Variants in SP4 observed in about 807,000 individuals in gnomAD.
SP4 encodes transcription factor Sp4.
A neutral mutation model predicts 72.8 loss-of-function variants in SP4; 19 were observed. That is an observed-to-expected ratio of 0.26 (90% confidence interval 0.18 to 0.38). The LOEUF (loss-of-function observed/expected upper bound fraction) is 0.38, where lower values mean the gene tolerates loss of function less well. SP4 is among the 10% of genes least tolerant of loss of function. The pLI, the probability that SP4 is intolerant of heterozygous loss-of-function variation, is 1.00. For missense variants in SP4, 1,008 were observed against 926.3 expected (o/e 1.09, Z -1.14); for synonymous variants, 395 against 333.1 (o/e 1.19, Z -2.02).
chr7:21,455,270 C>G (rs912859896), intron 3 of SP4, among the ~76,000 whole-genome samples: 1 of 152,290 alleles, frequency 6.6e-6, no homozygotes, highest in East Asian at 1.9e-4. Flanking sequence ...ACACCACTTG[C>G]AATTAACTGA....
rs1035233438 is a variant in SP4, at chr7:21,511,097, C to T, written c.2183C>T (p.Thr728Met). Reference protein sequence around the residue: ...RSDHLSKHVKTHQNKKGGGTA... With the variant: ...RSDHLSKHVKMHQNKKGGGTA... ...GATCATCTCTCCAAACATGTCAAAACGCACCAGAATAAAAAAGGTGGTGGG... is the reference window on the plus strand; with the variant it reads ...GATCATCTCTCCAAACATGTCAAAATGCACCAGAATAAAAAAGGTGGTGGG... Residue 728 changes from threonine (T) to methionine (M), a missense_variant, in exon 6 of 6, where the codon ACG (threonine) becomes ATG (methionine). This residue lies in a region of SP4 where 48 missense variants were observed against 117.0 expected (regional missense o/e 0.41). Transcript: ENST00000222584. The T allele has an allele frequency of 2.5e-6, 4 of 1,614,042 alleles. No individual in the cohort carries two copies. The highest frequency in any genetic ancestry group is 3.4e-6 in the Non-Finnish European group (4 of 1,179,964).
chr7:21,481,983 A>G lies in SP4; in HGVS notation c.1967A>G (p.Lys656Arg). Residue 656 changes from lysine (K) to arginine (R), a missense_variant, in exon 5 of 6, where the codon AAA becomes AGA. By Grantham distance (26) the Lys-to-Arg change is conservative (BLOSUM62 2). This residue lies in a region of SP4 where 48 missense variants were observed against 117.0 expected (regional missense o/e 0.41). Transcript: ENST00000222584. ...QHICHIEGCG[K>R]VYGKTSHLRA... ...ATCTGTCATATTGAAGGATGTGGTA[A>G]AGTTTATGGCAAAACATCTCATTTA... 6.2e-7 allele frequency: 1 copy of G among 1,614,096 alleles called. No homozygotes were observed. The highest frequency in any genetic ancestry group is 8.5e-7 in the Non-Finnish European group (1 of 1,179,956).
rs143674706 is a variant in SP4 at position 21,441,577 on chromosome 7, A to G, written c.1678+10734A>G. On this transcript the variant is annotated intron_variant, in intron 3 of 5. Coordinates refer to ENST00000222584, the MANE Select transcript of SP4 (RefSeq NM_003112.5). The stretch of plus-strand genomic sequence containing the variant: ...GAGATATTGAGTAAAAATATTTGCA[A>G]TGCAAATGATACTTATGAGAGTGTT... Among the ~76,000 whole-genome samples the G allele has an allele frequency of 4.4e-3, 671 of 152,346 alleles. 6 individuals carry two copies. Among genetic ancestry groups the G allele is most frequent in the African/African-American group, 0.015 (644 of 41,564 alleles).
chr7:21,458,400 T>C (rs926964806), intron 3 of SP4, among the ~76,000 whole-genome samples: 1 of 152,114 alleles, frequency 6.6e-6, no homozygotes, highest in Non-Finnish European at 1.5e-5. Context: ...GCCAGGCTGG[T>C]CTTGAACTCC....
At chr7:21,497,634 C>A (rs1781752916) in intron 5 of SP4, among the ~76,000 whole-genome samples, 1 of 152,090 alleles carries the variant, frequency 6.6e-6, no homozygotes, top group Non-Finnish European at 1.5e-5. Flanking sequence ...TAGAATGATC[C>A]TTGTGTTGAT....
intron 5 of SP4, among the ~76,000 whole-genome samples, chr7:21,488,479 C>CTTTTTTTTT (rs59893862): frequency 1.5e-5 from 2 of 133,224 alleles, no homozygotes; most frequent in African/African-American, 2.8e-5. Context: ...ACTTCCTTTC[C>CTTTTTTTTT]TTTTTTTTTT....
intron 3 of SP4, 71 bp from the exon 4 acceptor site, chr7:21,477,007 AG>A (rs1171556786): frequency 2.2e-5 from 24 of 1,114,920 alleles, no homozygotes; most frequent in Admixed American, 7.9e-5. Context: ...TTATGCACAT[AG>A]ATTTTTTTTT....
chr7:21,457,561 C>T (rs1313309514), intron 3 of SP4, among the ~76,000 whole-genome samples: 2 of 152,122 alleles, frequency 1.3e-5, no homozygotes, highest in East Asian at 1.9e-4. Flanking sequence ...AGAACAATTG[C>T]ATGTTCCTTT....
In SP4 at chr7:21,466,590, G is replaced by A. The variant is rs187426207; in HGVS notation, c.1679-10489G>A. Reference sequence around the variant, plus strand: ...GTAACTCAATATTGGTTCACAGATTGTACATAACCCATAGTATGTTGATAG... The same window carrying A: ...GTAACTCAATATTGGTTCACAGATTATACATAACCCATAGTATGTTGATAG... On this transcript the variant is annotated intron_variant, in intron 3 of 5. Coordinates refer to ENST00000222584, the MANE Select transcript of SP4 (RefSeq NM_003112.5). Among the ~76,000 whole-genome samples the A allele has an allele frequency of 5.9e-5, 9 of 152,218 alleles. No individual in the cohort carries two copies. The East Asian group carries it at 1.7e-3, about 29-fold the overall frequency.
At chr7:21,470,063 C>T (rs1349403114) in intron 3 of SP4, among the ~76,000 whole-genome samples, 3 of 152,086 alleles carry the variant, frequency 2.0e-5, no homozygotes, top group African/African-American at 2.4e-5. Flanking sequence ...AGCAGATATC[C>T]ACTTGATTTG....
rs549924252 is a variant in SP4 at position 21,475,588 on chromosome 7, C to T, written c.1679-1491C>T. On this transcript the variant is annotated intron_variant, in intron 3 of 5. Transcript: ENST00000222584. The stretch of plus-strand genomic sequence containing the variant: ...TCTCCTTCCTAAGCCTCCTGAGTAG[C>T]GAGTAGCTGGGACTACAGGCGCCCG... Among the ~76,000 whole-genome samples the T allele has an allele frequency of 2.6e-5, 4 of 151,738 alleles. No homozygotes were observed. The East Asian group carries it at 5.9e-4, about 22-fold the overall frequency.
chr7:21,447,250 A>G (rs1387073461), intron 3 of SP4, among the ~76,000 whole-genome samples: 3 of 152,160 alleles, frequency 2.0e-5, no homozygotes, highest in Non-Finnish European at 4.4e-5. Context: ...CTTCTGTTCA[A>G]TATTACCTCC....
intron 3 of SP4, among the ~76,000 whole-genome samples, chr7:21,449,123 G>A (rs1783511980): frequency 6.6e-6 from 1 of 152,122 alleles, no homozygotes; most frequent in South Asian, 2.1e-4. Flanking sequence ...ACCCCCCAGG[G>A]CGAGGTACCA....
At chr7:21,464,404 C>T (rs989853510) in intron 3 of SP4, among the ~76,000 whole-genome samples, 1 of 152,120 alleles carries the variant, frequency 6.6e-6, no homozygotes, top group African/African-American at 2.4e-5. Context: ...CCAGTCAGGG[C>T]TCTCTTTCAG....
intron 3 of SP4, among the ~76,000 whole-genome samples, chr7:21,442,818 C>T (rs980962755): frequency 6.6e-6 from 1 of 152,228 alleles, no homozygotes; most frequent in Non-Finnish European, 1.5e-5. Flanking sequence ...TCACTGCAGC[C>T]TCTGCCTTCC....
chr7:21,441,523 A>G (rs910974814), intron 3 of SP4, among the ~76,000 whole-genome samples: 13 of 152,202 alleles, frequency 8.5e-5, no homozygotes, highest in Non-Finnish European at 1.6e-4. Flanking sequence ...ATAATAAATA[A>G]ATTTGAAAAA....
In SP4 at chr7:21,514,552, A is replaced by G. The variant is rs1583457447; in HGVS notation, c.*3283A>G. The stretch of plus-strand genomic sequence containing the variant: ...TTTGTAAAAAAAAAAAAATGAAAAA[A>G]AAAGATGAATCCAGAAAAAAACCTG... On this transcript the variant is annotated 3_prime_UTR_variant, in exon 6 of 6. Coordinates refer to ENST00000222584, the MANE Select transcript of SP4 (RefSeq NM_003112.5). The G allele has an allele frequency of 6.6e-6, 1 of 151,998 alleles. No individual in the cohort carries two copies. The highest frequency in any genetic ancestry group is 1.9e-4 in the East Asian group (1 of 5,196). 9.4% of individuals were successfully genotyped at this position (151,998 alleles called of 1,614,324 possible).
chr7:21,479,398 C>G (rs1784611642), intron 4 of SP4, among the ~76,000 whole-genome samples: 1 of 152,042 alleles, frequency 6.6e-6, no homozygotes, highest in Non-Finnish European at 1.5e-5. Flanking sequence ...TGTCCTTTCT[C>G]CGTTGAATGT....
Position 21,430,513 on chromosome 7 carries a change from A to G in SP4, c.1348A>G (p.Asn450Asp). 6.2e-7 allele frequency: 1 copy of G among 1,614,222 alleles called. No homozygotes were observed. Among genetic ancestry groups the G allele is most frequent in the Non-Finnish European group, 8.5e-7 (1 of 1,180,036 alleles). The change falls in exon 3 of 6, where the codon AAT becomes GAT. Residue 450 changes from asparagine to aspartate, a missense_variant. By Grantham distance (23) the Asn-to-Asp change is conservative (BLOSUM62 1). Around this residue, in one of 3 missense-constraint regions of SP4, gnomAD observed 893 missense variants for 743.3 expected, o/e 1.20. Coordinates refer to ENST00000222584, the MANE Select transcript of SP4 (RefSeq NM_003112.5). Reference protein sequence around the residue: ...PLQNVQLQAVNPTQVLIRAPT... With the variant: ...PLQNVQLQAVDPTQVLIRAPT... Reference sequence around the variant, plus strand: ...ACAGAATGTTCAACTTCAAGCAGTAAATCCGACTCAGGTGCTTATCAGGGC... The same window carrying G: ...ACAGAATGTTCAACTTCAAGCAGTAGATCCGACTCAGGTGCTTATCAGGGC...
Sources: allele counts gnomAD v4.1 joint callset (sites outside exome capture counted in the v4.1 genomes callset), GRCh38; gene constraint gnomAD v4.1.1; regional missense constraint gnomAD v4.1.1; transcripts MANE v1.5; gene names NCBI Gene and HGNC (gene_info 2026-07-23, HGNC 2026-07-21).